GPR183: variants seen among roughly 807,000 people sequenced by gnomAD.
GPR183 encodes EBV-induced G-protein coupled receptor 2.
Under a neutral mutation model 19.7 loss-of-function variants are expected in GPR183, and 9 were observed. That is an observed-to-expected ratio of 0.46 (90% confidence interval 0.28 to 0.80). The LOEUF is 0.80. Ranked by LOEUF, GPR183 falls within the 30% of genes least tolerant of loss-of-function variation. The pLI is 0.13. For missense variants in GPR183, 368 were observed against 446.7 expected (o/e 0.82, Z 1.59); for synonymous variants, 160 against 155.1 (o/e 1.03, Z -0.24).
chr13:99,295,621 C>T lies in GPR183; in HGVS notation c.525G>A (p.Glu175=). ...ACTCCATGCATGTAATCCTTTCAGC[C>T]TCCTGCTTTGACATAGGGTTGATGA... The part of the protein sequence containing the change: ...PLLINPMSKQ[E]AERITCMEYP... The change falls in exon 2 of 2, where the codon GAG becomes GAA. Residue 175 remains glutamate (E), a synonymous_variant. Transcript: ENST00000376414. This position sits in a 1 kb window ranked among gnomAD's most constrained non-coding sequence, Gnocchi z 4.1. The T allele has an allele frequency of 1.2e-6, 2 of 1,614,134 alleles. No individual in the cohort carries two copies. The highest frequency in any genetic ancestry group is 1.7e-6 in the Non-Finnish European group (2 of 1,180,030).
At chr13:99,305,886 CATTT>C (rs10633287) in intron 1 of GPR183, among the ~76,000 whole-genome samples, 34 of 151,510 alleles carry the variant, frequency 2.2e-4, no homozygotes, top group Admixed American at 5.9e-4. Flanking sequence ...GACTCAGGGC[CATTT>C]ATTTATTTAT....
intron 1 of GPR183, among the ~76,000 whole-genome samples, chr13:99,304,308 T>A (rs547742970): frequency 2.0e-5 from 3 of 152,210 alleles, no homozygotes; most frequent in Non-Finnish European, 4.4e-5. Context: ...CTTACTTTCC[T>A]TCAAGCCTTA....
At chr13:99,301,678 A>G (rs1366020495) in intron 1 of GPR183, among the ~76,000 whole-genome samples, 1 of 152,142 alleles carries the variant, frequency 6.6e-6, no homozygotes, top group East Asian at 1.9e-4. Context: ...AAACTCATTT[A>G]TTTAGCATCT....
chr13:99,298,513 G>A (rs1594101762), intron 1 of GPR183, among the ~76,000 whole-genome samples: 2 of 152,220 alleles, frequency 1.3e-5, no homozygotes, highest in East Asian at 3.9e-4. Context: ...TAGATATAAA[G>A]CCTTGAATGC....
At position 99,294,780 on chromosome 13, in the gene GPR183, A is replaced by G; in HGVS notation, c.*280T>C. 4.0e-6 allele frequency: 1 copy of G among 248,954 alleles called. No homozygotes were observed. Among genetic ancestry groups the G allele is most frequent in the Non-Finnish European group, 7.7e-6 (1 of 130,612 alleles). The allele number at this position is 248,954 out of a possible 1,614,324, so 15.4% of individuals were successfully genotyped here. A position where few individuals can be genotyped will look rare whatever the true frequency, so the allele number is the denominator to read the frequency against. On this transcript the variant is annotated 3_prime_UTR_variant, in exon 2 of 2. Transcript: ENST00000376414. ...AATAATAATTAAATTTTTTATTAAAACAAAACTTTTTACATTGGGAGTTAT... is the reference window on the plus strand; with the variant it reads ...AATAATAATTAAATTTTTTATTAAAGCAAAACTTTTTACATTGGGAGTTAT...
In GPR183 at chr13:99,295,426, T is replaced by G. The variant is rs773145839; in HGVS notation, c.720A>C (p.Lys240Asn). The G allele has an allele frequency of 1.2e-6, 2 of 1,614,118 alleles. No homozygotes were observed. Among genetic ancestry groups the G allele is most frequent in the Non-Finnish European group, 1.7e-6 (2 of 1,180,010 alleles). ...TAAGAATAATTGTGTTGAGAGCCTT[T>G]TTGTTTACACCAGATTTCTCAGTGA... ...NPLTEKSGVN[K>N]KALNTIILII... The change falls in exon 2 of 2, where the codon AAA becomes AAC. Residue 240 changes from lysine (K) to asparagine (N), a missense_variant. Physicochemically the swap from Lys to Asn is moderately conservative, Grantham distance 94 (BLOSUM62 0). Transcript: ENST00000376414. The surrounding 1 kb of genome is among the most constrained non-coding windows in gnomAD (Gnocchi z 4.1).
At chr13:99,305,260 T>G (rs1594108813) in intron 1 of GPR183, among the ~76,000 whole-genome samples, 1 of 150,504 alleles carries the variant, frequency 6.6e-6, no homozygotes, top group Middle Eastern at 3.4e-3. Context: ...CAGCCATCTG[T>G]GTTACTGTCA....
At chr13:99,301,242 G>T (rs1430989784) in intron 1 of GPR183, among the ~76,000 whole-genome samples, 1 of 152,224 alleles carries the variant, frequency 6.6e-6, no homozygotes, top group African/African-American at 2.4e-5. Flanking sequence ...GCCACAGGAA[G>T]CCTGGATCCT....
In GPR183 at chr13:99,296,170, A is replaced by G. The variant is rs766704850; in HGVS notation, c.-18-7T>C. ...TTGGTGGTGGTCCAGGTGTCTAGAA[A>G]AAAACCAAGAAGGATCATATAAGTA... On this transcript the variant is annotated splice_region_variant and splice_polypyrimidine_tract_variant and intron_variant, in intron 1 of 1. Transcript: ENST00000376414. The G allele has an allele frequency of 1.3e-6, 2 of 1,540,294 alleles. No individual in the cohort carries two copies. The highest frequency in any genetic ancestry group is 1.4e-5 in the African/African-American group (1 of 72,130).
At chr13:99,298,040 A>C (rs938709143) in intron 1 of GPR183, among the ~76,000 whole-genome samples, 2 of 152,194 alleles carry the variant, frequency 1.3e-5, no homozygotes, top group African/African-American at 4.8e-5. Context: ...CAAAGAATAT[A>C]AAAATAATCA....
At chr13:99,299,890 A>G (rs1335389008) in intron 1 of GPR183, among the ~76,000 whole-genome samples, 1 of 152,190 alleles carries the variant, frequency 6.6e-6, no homozygotes, top group Non-Finnish European at 1.5e-5. Flanking sequence ...AGTGGTTCTT[A>G]AAAGCCACGC....
rs538262770 is a variant in GPR183, at chr13:99,298,295, T to C, written c.-18-2132A>G. Among the ~76,000 whole-genome samples the C allele has an allele frequency of 2.4e-3, 363 of 152,290 alleles. 4 individuals are homozygous for C. The highest frequency in any genetic ancestry group is 0.011 in the South Asian group (52 of 4,830). ...ACTCAAAGCTTTCAGAAAATAGTTA[T>C]TTTCTGATCACATTGCTTGACTACA... On this transcript the variant is annotated intron_variant, in intron 1 of 1. Transcript: ENST00000376414.
At chr13:99,299,419 T>C (rs912962103) in intron 1 of GPR183, among the ~76,000 whole-genome samples, 1 of 152,034 alleles carries the variant, frequency 6.6e-6, no homozygotes, top group Admixed American at 6.6e-5. Context: ...TTATACAACA[T>C]GCCACTTTTT....
In GPR183 at chr13:99,295,489, G is replaced by A; in HGVS notation, c.657C>T (p.Ile219=). ...LIIILICYSQ[I]CCKLFRTAKQ... ...TGGCAGTTCTGAAGAGTTTGCAGCA[G>A]ATCTGAGAATAGCAGATGAGAATGA... is the stretch of plus-strand genomic sequence containing the variant. Residue 219 remains isoleucine, a synonymous_variant, in exon 2 of 2, where the codon ATC becomes ATT. Coordinates refer to ENST00000376414, the MANE Select transcript of GPR183 (RefSeq NM_004951.5). This position sits in a 1 kb window ranked among gnomAD's most constrained non-coding sequence, Gnocchi z 4.1. 6.2e-7 allele frequency: 1 copy of A among 1,613,966 alleles called. No homozygotes were observed. The highest frequency in any genetic ancestry group is 1.3e-5 in the African/African-American group (1 of 75,020).
chr13:99,303,451 A>G (rs1246739686), intron 1 of GPR183, among the ~76,000 whole-genome samples: 2 of 152,200 alleles, frequency 1.3e-5, no homozygotes, highest in East Asian at 3.8e-4. Context: ...AAAGCCACCT[A>G]TGTGGCTTTT....
chr13:99,305,754 T>G (rs2044323504), intron 1 of GPR183, among the ~76,000 whole-genome samples: 1 of 152,062 alleles, frequency 6.6e-6, no homozygotes, highest in Admixed American at 6.5e-5. Flanking sequence ...TTTTGTGGAG[T>G]AGCATATTCT....
At chr13:99,306,023 G>A (rs1655037995) in intron 1 of GPR183, among the ~76,000 whole-genome samples, 1 of 152,110 alleles carries the variant, frequency 6.6e-6, no homozygotes, top group Non-Finnish European at 1.5e-5. Context: ...ACCCTCTTGA[G>A]TAGCTGGGAT....
At chr13:99,306,764 G>A (rs1398082592) in intron 1 of GPR183, among the ~76,000 whole-genome samples, 1 of 152,030 alleles carries the variant, frequency 6.6e-6, no homozygotes, top group Non-Finnish European at 1.5e-5. Flanking sequence ...TATCTAATTA[G>A]TAGTATTTAG....
rs1566489562 is a variant in GPR183, at chr13:99,295,469, G to T, written c.677C>A (p.Thr226Asn). The T allele has an allele frequency of 6.2e-7, 1 of 1,613,972 alleles. No individual in the cohort carries two copies. Among genetic ancestry groups the T allele is most frequent in the Non-Finnish European group, 8.5e-7 (1 of 1,180,012 alleles). ...YSQICCKLFR[T>N]AKQNPLTEKS... Reference sequence around the variant, plus strand: ...CTCAGTGAGTGGGTTTTGTTTGGCAGTTCTGAAGAGTTTGCAGCAGATCTG... The same window carrying T: ...CTCAGTGAGTGGGTTTTGTTTGGCATTTCTGAAGAGTTTGCAGCAGATCTG... Residue 226 changes from threonine to asparagine, a missense_variant, in exon 2 of 2, where the codon ACT becomes AAT. By Grantham distance (65) the Thr-to-Asn change is moderately conservative (BLOSUM62 0). Coordinates refer to ENST00000376414, the MANE Select transcript of GPR183 (RefSeq NM_004951.5). The surrounding 1 kb of genome is among the most constrained non-coding windows in gnomAD (Gnocchi z 4.1).
Sources: gnomAD v4.1 joint callset for allele counts (sites outside exome capture counted in the v4.1 genomes callset) on GRCh38, gnomAD v4.1.1 for gene constraint, Gnocchi (gnomAD v3.1) non-coding constraint, MANE v1.5 for transcripts, NCBI Gene and HGNC (gene_info 2026-07-23, HGNC 2026-07-21) for gene names.